Variants in FAM184B observed in about 807,000 individuals in gnomAD.
FAM184B encodes family with sequence similarity 184 member B, also known as protein FAM184B.
FAM184B carries 111 observed loss-of-function variants against 135.9 expected under a neutral mutation model. The ratio of observed to expected loss-of-function variants is 0.82; its 90% CI spans 0.70 to 0.96. The LOEUF is 0.96. Ranked by LOEUF, FAM184B falls within the 40% of genes least tolerant of loss-of-function variation. FAM184B has a pLI of 0.00. For missense variants in FAM184B, 1,375 were observed against 1,323.9 expected (o/e 1.04, Z -0.60); for synonymous variants, 552 against 524.8 (o/e 1.05, Z -0.71).
At chr4:17,647,422 T>A (rs1715498357) in intron 12 of FAM184B, among the ~76,000 whole-genome samples, 1 of 151,406 alleles carries the variant, frequency 6.6e-6, no homozygotes, top group Non-Finnish European at 1.5e-5. Context: ...TAATTTTCAA[T>A]TTTTTTTTGT....
intron 11 of FAM184B, among the ~76,000 whole-genome samples, chr4:17,649,827 CCTGT>C (rs1463055588): frequency 5.4e-4 from 81 of 151,090 alleles, no homozygotes; most frequent in African/African-American, 2.0e-3. Context: ...CTTCTATCCA[CCTGT>C]CCATCCATCC....
rs1714979759 is a variant in FAM184B at position 17,632,415 on chromosome 4, T to G, written c.*117A>C. The G allele has an allele frequency of 2.3e-6, 2 of 866,188 alleles. No individual in the cohort carries two copies. Among genetic ancestry groups the G allele is most frequent in the African/African-American group, 1.7e-5 (1 of 58,586 alleles). 53.7% of individuals were successfully genotyped at this position (866,188 alleles called of 1,614,324 possible). On this transcript the variant is annotated 3_prime_UTR_variant, in exon 18 of 18. Coordinates refer to ENST00000265018, the MANE Select transcript of FAM184B (RefSeq NM_015688.2). ...TTAACGCCAAAATTTGTTTTAGCTA[T>G]CATATATAAATCATAAGCATATTAT... is the stretch of plus-strand genomic sequence containing the variant.
intron 7 of FAM184B, among the ~76,000 whole-genome samples, chr4:17,671,820 C>A (rs1716174258): frequency 6.6e-6 from 1 of 151,374 alleles, no homozygotes. Context: ...AAATCATGGA[C>A]CTGAAAACAC....
At chr4:17,693,118 C>G (rs1019330830) in intron 6 of FAM184B, among the ~76,000 whole-genome samples, 184 bp downstream of exon 6, 2 of 152,024 alleles carry the variant, frequency 1.3e-5, no homozygotes, top group African/African-American at 4.8e-5. Context: ...TTAAAAGCCT[C>G]TTTGTTTAAG....
intron 6 of FAM184B, among the ~76,000 whole-genome samples, 200 bp downstream of exon 6, chr4:17,693,102 G>C (rs889489650): frequency 2.0e-5 from 3 of 151,782 alleles, no homozygotes; most frequent in African/African-American, 7.3e-5. Flanking sequence ...TCTCTTATTT[G>C]AGACATTAAA....
chr4:17,781,344 C>A lies in FAM184B; in HGVS notation c.-45G>T. ...CTCAGACTCTCTCGTTTTCTCCCTGCCCACCGTGTGCACGTGCGTGCGCGC... is the reference window on the plus strand; with the variant it reads ...CTCAGACTCTCTCGTTTTCTCCCTGACCACCGTGTGCACGTGCGTGCGCGC... On this transcript the variant is annotated 5_prime_UTR_variant, in exon 1 of 18. Transcript: ENST00000265018. The surrounding 1 kb of genome is among the most constrained non-coding windows in gnomAD (Gnocchi z 6.5). 1.4e-6 allele frequency: 2 copies of A among 1,479,754 alleles called. No homozygotes were observed. Among genetic ancestry groups the A allele is most frequent in the South Asian group, 1.3e-5 (1 of 77,098 alleles). The allele number at this position is 1,479,754 out of a possible 1,614,324, so 91.7% of individuals were successfully genotyped here.
chr4:17,649,006 TACTTC>T (rs1715538265), intron 11 of FAM184B, among the ~76,000 whole-genome samples: 1 of 152,272 alleles, frequency 6.6e-6, no homozygotes, highest in African/African-American at 2.4e-5. Context: ...GTAAATTTGA[TACTTC>T]ACTTTTCTGT....
At chr4:17,658,325 G>T (rs1715827215) in intron 10 of FAM184B, 25 bp downstream of exon 10, 2 of 1,549,866 alleles carry the variant, frequency 1.3e-6, no homozygotes, top group Non-Finnish European at 1.7e-6. Flanking sequence ...CCGGCACAGA[G>T]TAGACGGCAC....
chr4:17,642,559 A>C (rs1225406351), intron 12 of FAM184B, among the ~76,000 whole-genome samples: 3 of 151,900 alleles, frequency 2.0e-5, no homozygotes, highest in Non-Finnish European at 2.9e-5. Context: ...CCCTCCGTGA[A>C]GTTAAGTGTT....
intron 1 of FAM184B, among the ~76,000 whole-genome samples, chr4:17,731,274 G>A (rs1002469460): frequency 1.2e-4 from 18 of 152,022 alleles, no homozygotes; most frequent in Non-Finnish European, 2.5e-4. Flanking sequence ...ATCAACTAAC[G>A]AGCAAAATAA....
At chr4:17,730,415 C>T (rs1044834434) in intron 1 of FAM184B, among the ~76,000 whole-genome samples, 5 of 151,986 alleles carry the variant, frequency 3.3e-5, no homozygotes, top group African/African-American at 9.7e-5. Context: ...ATACAGAGAA[C>T]GCCACAAAGA....
intron 9 of FAM184B, among the ~76,000 whole-genome samples, chr4:17,659,518 G>T (rs1196033933): frequency 6.6e-6 from 1 of 151,808 alleles, no homozygotes; most frequent in South Asian, 2.1e-4. Flanking sequence ...ACAGAGTCTT[G>T]CTCTGTCACC....
intron 7 of FAM184B, among the ~76,000 whole-genome samples, chr4:17,670,474 C>T (rs751322363): frequency 9.2e-5 from 14 of 152,088 alleles, no homozygotes; most frequent in Admixed American, 4.6e-4. Context: ...TACTCTGAGA[C>T]AACACAGAGC....
intron 1 of FAM184B, among the ~76,000 whole-genome samples, chr4:17,768,044 A>G (rs1718737912): frequency 6.6e-6 from 1 of 152,256 alleles, no homozygotes; most frequent in Admixed American, 6.5e-5. Context: ...CTGTGTTCCA[A>G]TAAAACTTTA....
chr4:17,676,820 GTA>G (rs1277011194), intron 7 of FAM184B, among the ~76,000 whole-genome samples: 2 of 118,116 alleles, frequency 1.7e-5, no homozygotes, highest in East Asian at 5.3e-4. Context: ...GTACAGTACA[GTA>G]ATATGCTGTA....
chr4:17,756,345 A>G (rs1718420286), intron 1 of FAM184B, among the ~76,000 whole-genome samples: 1 of 152,246 alleles, frequency 6.6e-6, no homozygotes, highest in African/African-American at 2.4e-5. Flanking sequence ...AAATTAGTCA[A>G]TTTGAACATC....
At chr4:17,733,517 C>T (rs1288460487) in intron 1 of FAM184B, among the ~76,000 whole-genome samples, 1 of 152,170 alleles carries the variant, frequency 6.6e-6, no homozygotes, top group Non-Finnish European at 1.5e-5. Context: ...ACAAAAATCA[C>T]AAGCATTCTT....
chr4:17,742,166 ATATT>A (rs1410548943), intron 1 of FAM184B, among the ~76,000 whole-genome samples: 10 of 36,688 alleles, frequency 2.7e-4, no homozygotes, highest in African/African-American at 1.9e-3. Flanking sequence ...ATATATATAT[ATATT>A]TTTTTTTTTT....
chr4:17,702,897 T>C (rs1257677722), intron 5 of FAM184B, among the ~76,000 whole-genome samples: 1 of 152,124 alleles, frequency 6.6e-6, no homozygotes, highest in Non-Finnish European at 1.5e-5. Flanking sequence ...ATTAGATTTG[T>C]GCAACCAGTT....
Sources: gnomAD v4.1 joint callset for allele counts (sites outside exome capture counted in the v4.1 genomes callset) on GRCh38, gnomAD v4.1.1 for gene constraint, Gnocchi (gnomAD v3.1) non-coding constraint, MANE v1.5 for transcripts, NCBI Gene and HGNC (gene_info 2026-07-23, HGNC 2026-07-21) for gene names.